Variants in NID1 observed in about 807,000 individuals in gnomAD.
NID1 encodes nidogen-1.
NID1 carries 76 observed loss-of-function variants against 130.6 expected under a neutral mutation model. The observed-to-expected ratio is 0.58, with a 90% CI of 0.48 to 0.70. The LOEUF is 0.70. NID1 is among the 30% of genes least tolerant of loss of function. The pLI is 0.00. For synonymous variants in NID1, 665 were observed against 675.1 expected (o/e 0.98, Z 0.23); for missense variants, 1,517 against 1,664.8 (o/e 0.91, Z 1.54).
intron 1 of NID1, among the ~76,000 whole-genome samples, chr1:236,053,786 C>T (rs561087373): frequency 3.2e-4 from 48 of 152,278 alleles, no homozygotes; most frequent in Middle Eastern, 3.4e-3. Context: ...AGGGGACAGG[C>T]AGGTTCAAAG....
intron 14 of NID1, among the ~76,000 whole-genome samples, chr1:235,987,511 A>G (rs77376179): frequency 6.9e-4 from 105 of 152,356 alleles, no homozygotes; most frequent in Non-Finnish European, 1.3e-3. Flanking sequence ...AAAACAAAAC[A>G]GAAGCACAAA....
Position 236,032,526 on chromosome 1 carries a change from G to C in NID1, c.1412C>G (p.Thr471Arg). 6.2e-7 allele frequency: 1 copy of C among 1,614,208 alleles called. No homozygotes were observed. The highest frequency in any genetic ancestry group is 8.5e-7 in the Non-Finnish European group (1 of 1,180,038). ...YVVMNHGRSY[T>R]AISTIPETVG... ...GGTCTCGGGAATGGTGCTGATGGCTGTGTAGGAGCGCCCGTGGTTCATTAC... is the reference window on the plus strand; with the variant it reads ...GGTCTCGGGAATGGTGCTGATGGCTCTGTAGGAGCGCCCGTGGTTCATTAC... The change falls in exon 6 of 20, where the codon ACA (threonine) becomes AGA (arginine). Residue 471 changes from threonine to arginine, a missense_variant. Transcript: ENST00000264187.
At chr1:236,046,670 G>T (rs1171679507) in intron 2 of NID1, among the ~76,000 whole-genome samples, 1 of 152,158 alleles carries the variant, frequency 6.6e-6, no homozygotes, top group Non-Finnish European at 1.5e-5. Flanking sequence ...GGCTGCAAAG[G>T]GTATGCGGAG....
chr1:236,011,807 T>G, intron 12 of NID1, 114 bp downstream of exon 12: 2 of 1,422,514 alleles, frequency 1.4e-6, no homozygotes, highest in Non-Finnish European at 2.0e-6. Flanking sequence ...TCTGGATTCA[T>G]GGACAGGGCA....
At chr1:236,036,345 T>C (rs1659260028) in intron 5 of NID1, among the ~76,000 whole-genome samples, 1 of 152,224 alleles carries the variant, frequency 6.6e-6, no homozygotes, top group Non-Finnish European at 1.5e-5. Context: ...TTTTAAAACC[T>C]CACTTTATCT....
rs1264073450 is a variant in NID1 at position 235,985,302 on chromosome 1, GTTC to G, written c.3055+74_3055+76del. The G allele has an allele frequency of 4.0e-6, 6 of 1,515,314 alleles. No homozygotes were observed. In the African/African-American group the frequency reaches 6.8e-5, roughly 17 times the overall value. 93.9% of individuals were successfully genotyped at this position (1,515,314 alleles called of 1,614,324 possible). A position where few individuals can be genotyped will look rare whatever the true frequency, so the allele number is the denominator to read the frequency against. ...TTGTGAAAGTTTGGCTTCATTTGCT[GTTC>G]TTCTCTGGCATACATGGCCACTTTG... On this transcript the variant is annotated intron_variant, in intron 15 of 19. Transcript: ENST00000264187.
chr1:235,979,062 A>C lies in NID1; in HGVS notation c.3555T>G (p.Asp1185Glu). The change falls in exon 19 of 20, where the codon GAT (aspartate) becomes GAG (glutamate). Residue 1185 changes from aspartate to glutamate, a missense_variant. Asp to Glu is a conservative substitution (Grantham distance 45). This residue lies in a region of NID1 where 181 missense variants were observed against 211.3 expected (regional missense o/e 0.86). Transcript: ENST00000264187. The surrounding 1 kb of genome is among the most constrained non-coding windows in gnomAD (Gnocchi z 4.6). ...GGGTCTGCTTGTGGGGTTGGAAAGCATCCGTCTCCTTGGAAATTGCAAGAT... is the reference window on the plus strand; with the variant it reads ...GGGTCTGCTTGTGGGGTTGGAAAGCCTCCGTCTCCTTGGAAATTGCAAGAT... ...ALDLAISKET[D>E]AFQPHKQTRL... is the part of the protein sequence containing the mutation. 4 of 1,614,164 alleles carry C rather than the reference A, an allele frequency of 2.5e-6. No homozygotes were observed. The highest frequency in any genetic ancestry group is 3.4e-6 in the Non-Finnish European group (4 of 1,180,014).
chr1:236,034,422 C>CAAAAAAAAAAAAA (rs144657585), intron 5 of NID1, among the ~76,000 whole-genome samples: 4 of 92,618 alleles, frequency 4.3e-5, no homozygotes, highest in Non-Finnish European at 6.7e-5. Context: ...AACTCCATCT[C>CAAAAAAAAAAAAA]AAAAAAAAAA....
At chr1:236,009,584 T>C (rs1364130285) in intron 12 of NID1, among the ~76,000 whole-genome samples, 1 of 152,234 alleles carries the variant, frequency 6.6e-6, no homozygotes, top group African/African-American at 2.4e-5. Context: ...TGTAGGTATA[T>C]TTTCACATAG....
rs1313417969 is a variant in NID1 at position 235,979,913 on chromosome 1, G to A, written c.3418C>T (p.Gln1140Ter). ...TCGAGAGCCTTGCGTCTGCTGGGCT[G>A]ACTGGGGTTCAGGCATTCCGCCCGA... ...TNRAECLNPSQPSRRKALEGL... is the reference protein window; with the variant it reads ...TNRAECLNPS The change falls in exon 18 of 20, where the codon CAG becomes TAG. Residue 1140 changes from glutamine (Q) to a stop codon, truncating the protein, a stop_gained. Transcript: ENST00000264187. LOFTEE classifies it high-confidence loss of function. The surrounding 1 kb of genome is among the most constrained non-coding windows in gnomAD (Gnocchi z 4.6). The A allele has an allele frequency of 6.2e-7, 1 of 1,614,006 alleles. No individual in the cohort carries two copies. Among genetic ancestry groups the A allele is most frequent in the Non-Finnish European group, 8.5e-7 (1 of 1,179,886 alleles).
chr1:236,054,248 G>T (rs1184012945), intron 1 of NID1, among the ~76,000 whole-genome samples: 4 of 152,208 alleles, frequency 2.6e-5, no homozygotes, highest in African/African-American at 9.6e-5. Context: ...CTGTGGTCAG[G>T]AGTTTGAGAG....
chr1:236,056,683 C>T (rs1659907348), intron 1 of NID1, among the ~76,000 whole-genome samples: 1 of 152,152 alleles, frequency 6.6e-6, no homozygotes, highest in Non-Finnish European at 1.5e-5. Flanking sequence ...CTCTCTACGT[C>T]CACCCTTCAT....
chr1:236,045,570 G>C lies in NID1; in HGVS notation c.639C>G (p.Asn213Lys). Residue 213 changes from asparagine to lysine, a missense_variant, in exon 3 of 20, where the codon AAC (asparagine) becomes AAG (lysine). Around this residue, in one of 3 missense-constraint regions of NID1, gnomAD observed 1,329 missense variants for 1,429.2 expected, o/e 0.93. Transcript: ENST00000264187. ...TGAATGCAACCACGGCAGGAACTTG[G>C]TTGTTTTCCTTCTTTGAGAATGTCG... ...FHTTFSKKEN[N>K]QVPAVVAFSQ... 3 of 1,614,138 alleles carry C rather than the reference G, an allele frequency of 1.9e-6. No individual in the cohort carries two copies. The highest frequency in any genetic ancestry group is 1.6e-4 in the Middle Eastern group (1 of 6,062).
chr1:235,992,170 A>G (rs12566555), intron 13 of NID1, among the ~76,000 whole-genome samples: 31,765 of 152,100 alleles, frequency 0.21, 3,653 homozygotes, highest in East Asian at 0.45. Flanking sequence ...CATCTTCCAG[A>G]GCCTGGTCTC....
chr1:236,030,945 T>A (rs1294209515), intron 6 of NID1, among the ~76,000 whole-genome samples: 3 of 152,108 alleles, frequency 2.0e-5, no homozygotes, highest in Admixed American at 2.0e-4. Context: ...GAGTGGGGTC[T>A]GTGAGTTTGA....
Position 236,048,593 on chromosome 1 carries a change from G to C in NID1, c.525+97C>G, listed in dbSNP as rs1659677016. On this transcript the variant is annotated intron_variant, in intron 2 of 19. Coordinates refer to ENST00000264187, the MANE Select transcript of NID1 (RefSeq NM_002508.3). ...TTTGGATTTCCTGTCTTTATCAATG[G>C]TGTATAACTTATGTCAAAGCAGCAC... 3 of 1,328,670 alleles carry C rather than the reference G, an allele frequency of 2.3e-6. No individual in the cohort carries two copies. The East Asian group carries it at 7.3e-5, about 33-fold the overall frequency. 82.3% of individuals were successfully genotyped at this position (1,328,670 alleles called of 1,614,324 possible). A position where few individuals can be genotyped will look rare whatever the true frequency, so the allele number is the denominator to read the frequency against.
chr1:236,034,564 T>C (rs1277209449), intron 5 of NID1, among the ~76,000 whole-genome samples: 1 of 152,104 alleles, frequency 6.6e-6, no homozygotes, highest in Non-Finnish European at 1.5e-5. Flanking sequence ...TACGATTCTA[T>C]GTGCATGAAA....
intron 1 of NID1, among the ~76,000 whole-genome samples, chr1:236,057,808 C>T (rs1278106601): frequency 1.3e-5 from 2 of 152,092 alleles, no homozygotes; most frequent in East Asian, 3.9e-4. Flanking sequence ...CCTCAAAAAA[C>T]CTTCTTGATA....
chr1:235,981,978 A>C (rs781479127), intron 15 of NID1, among the ~76,000 whole-genome samples, 196 bp from the exon 16 acceptor site: 1 of 152,104 alleles, frequency 6.6e-6, no homozygotes, highest in Non-Finnish European at 1.5e-5. Flanking sequence ...CCATTTACTC[A>C]CTCTGTGGGT....
Sources: gnomAD v4.1 joint callset for allele counts (sites outside exome capture counted in the v4.1 genomes callset) on GRCh38, gnomAD v4.1.1 for gene constraint, gnomAD v4.1.1 regional missense constraint, Gnocchi (gnomAD v3.1) non-coding constraint, MANE v1.5 for transcripts, NCBI Gene and HGNC (gene_info 2026-07-23, HGNC 2026-07-21) for gene names.